CNTN5: variants seen among roughly 807,000 people sequenced by gnomAD.
CNTN5 encodes contactin 5, also known as contactin-5.
CNTN5 carries 77 observed loss-of-function variants against 129.1 expected under a neutral mutation model. The observed-to-expected ratio is 0.60, with a 90% CI of 0.50 to 0.72. The LOEUF (loss-of-function observed/expected upper bound fraction) is 0.72. Among genes scored for constraint, CNTN5 ranks in the 30% least tolerant of loss-of-function variants. The pLI is 0.00. For missense variants in CNTN5, 1,478 were observed against 1,328.8 expected (o/e 1.11, Z -1.75); for synonymous variants, 509 against 465.6 (o/e 1.09, Z -1.20).
At chr11:99,907,033 G>C (rs986896966) in intron 6 of CNTN5, among the ~76,000 whole-genome samples, 1 of 151,510 alleles carries the variant, frequency 6.6e-6, no homozygotes, top group East Asian at 1.9e-4. Flanking sequence ...TTATTAATCT[G>C]GCTAGTGGTC....
intron 1 of CNTN5, among the ~76,000 whole-genome samples, chr11:99,278,223 T>C (rs1157835271): frequency 6.6e-6 from 1 of 151,682 alleles, no homozygotes; most frequent in African/African-American, 2.4e-5. Context: ...ATATTTATTA[T>C]GTGCTTACTA....
chr11:99,403,379 A>AT (rs966766499), intron 2 of CNTN5, among the ~76,000 whole-genome samples: 8 of 151,370 alleles, frequency 5.3e-5, no homozygotes, highest in African/African-American at 1.9e-4. Flanking sequence ...TCATTTTATC[A>AT]TTTTTTTTCT....
chr11:99,092,054 A>G (rs1565310696), intron 1 of CNTN5, among the ~76,000 whole-genome samples: 3 of 152,116 alleles, frequency 2.0e-5, no homozygotes, highest in Non-Finnish European at 2.9e-5. Context: ...TTTCTTCCCC[A>G]ATTTTGCAAA....
intron 1 of CNTN5, among the ~76,000 whole-genome samples, chr11:99,100,089 T>G (rs578139754): frequency 6.6e-6 from 1 of 152,068 alleles, no homozygotes; most frequent in Admixed American, 6.6e-5. Flanking sequence ...GGGAAAAAAA[T>G]TTTATAAAGT....
At chr11:100,328,906 C>G (rs900141046) in intron 21 of CNTN5, among the ~76,000 whole-genome samples, 1 of 152,136 alleles carries the variant, frequency 6.6e-6, no homozygotes, top group Non-Finnish European at 1.5e-5. Context: ...AGGAACATAC[C>G]AGGAAAGCCA....
intron 3 of CNTN5, among the ~76,000 whole-genome samples, chr11:99,646,084 C>T (rs665801): frequency 0.6 from 91,417 of 151,996 alleles, 28,327 homozygotes; most frequent in Admixed American, 0.69. Context: ...TGGAGTCCAT[C>T]TCTCAGCATT....
chr11:99,443,989 G>T (rs1943948349), intron 2 of CNTN5, among the ~76,000 whole-genome samples: 1 of 152,076 alleles, frequency 6.6e-6, no homozygotes, highest in African/African-American at 2.4e-5. Flanking sequence ...TCTGAGGTCA[G>T]GACTTCGAGA....
rs140783856 is a variant in CNTN5 at position 99,417,188 on chromosome 11, T to C, written c.-71+91704T>C. Reference sequence around the variant, plus strand: ...GTCAAATAGCAGCGTGAATACATTTTATATCTTTCTATTATTTTTCAATAA... The same window carrying C: ...GTCAAATAGCAGCGTGAATACATTTCATATCTTTCTATTATTTTTCAATAA... On this transcript the variant is annotated intron_variant, in intron 2 of 24. Coordinates refer to ENST00000524871, the MANE Select transcript of CNTN5 (RefSeq NM_014361.4). Among the ~76,000 whole-genome samples the C allele has an allele frequency of 9.8e-3, 1,499 of 152,300 alleles. 13 individuals carry two copies. Among genetic ancestry groups the C allele is most frequent in the Middle Eastern group, 0.017 (5 of 294 alleles).
intron 17 of CNTN5, among the ~76,000 whole-genome samples, chr11:100,261,333 G>A (rs541214018): frequency 1.7e-3 from 263 of 152,186 alleles, no homozygotes; most frequent in Non-Finnish European, 3.1e-3. Flanking sequence ...CCATGCTCTT[G>A]GATAGGAAGA....
At chr11:99,793,661 T>C (rs1387833186) in intron 3 of CNTN5, among the ~76,000 whole-genome samples, 1 of 152,220 alleles carries the variant, frequency 6.6e-6, no homozygotes, top group East Asian at 1.9e-4. Context: ...TTGATTTCTG[T>C]CTTAATTTCA....
chr11:99,589,172 A>G (rs918057888), intron 3 of CNTN5, among the ~76,000 whole-genome samples: 25 of 152,196 alleles, frequency 1.6e-4, no homozygotes, highest in African/African-American at 5.8e-4. Context: ...CTTTAAAATC[A>G]ATATCTTCTT....
chr11:99,583,547 G>T (rs562305179), intron 3 of CNTN5, among the ~76,000 whole-genome samples: 1 of 152,146 alleles, frequency 6.6e-6, no homozygotes, highest in Non-Finnish European at 1.5e-5. Context: ...CCCCAGCCTC[G>T]CTGCCTCCTT....
chr11:99,613,976 T>C (rs947864779), intron 3 of CNTN5, among the ~76,000 whole-genome samples: 8 of 152,208 alleles, frequency 5.3e-5, no homozygotes, highest in Non-Finnish European at 1.0e-4. Flanking sequence ...TCTGCATTGT[T>C]ATAACTATAG....
intron 3 of CNTN5, among the ~76,000 whole-genome samples, chr11:99,749,758 TCTTA>T (rs1944170491): frequency 6.6e-6 from 1 of 152,230 alleles, no homozygotes; most frequent in East Asian, 1.9e-4. Flanking sequence ...CTAGCACAAC[TCTTA>T]AAGCAAGTCT....
intron 3 of CNTN5, among the ~76,000 whole-genome samples, chr11:99,754,555 T>C (rs556533652): frequency 2.0e-5 from 3 of 152,320 alleles, no homozygotes; most frequent in Non-Finnish European, 4.4e-5. Context: ...GAAGTTGTGG[T>C]ATAAGTTATA....
intron 1 of CNTN5, among the ~76,000 whole-genome samples, chr11:99,204,486 C>T (rs1419510760): frequency 1.3e-5 from 2 of 152,116 alleles, no homozygotes; most frequent in African/African-American, 4.8e-5. Context: ...CTCCCTATTG[C>T]AGAATTATTA....
intron 1 of CNTN5, among the ~76,000 whole-genome samples, chr11:99,247,507 A>T (rs1034748053): frequency 1.3e-5 from 2 of 151,962 alleles, no homozygotes; most frequent in Admixed American, 6.6e-5. Context: ...CATGTGCACA[A>T]CGTGCAGGTT....
intron 2 of CNTN5, among the ~76,000 whole-genome samples, chr11:99,529,816 G>T (rs1947626848): frequency 6.6e-6 from 1 of 152,106 alleles, no homozygotes; most frequent in Admixed American, 6.6e-5. Context: ...GGAAAACACT[G>T]TAATTAACAT....
intron 2 of CNTN5, among the ~76,000 whole-genome samples, chr11:99,474,385 T>C (rs375677704): frequency 1.2e-4 from 18 of 152,206 alleles, no homozygotes; most frequent in East Asian, 7.7e-4. Flanking sequence ...CTCTTTCATA[T>C]AGAATTTGTT....
Sources: gnomAD v4.1 joint callset for allele counts (sites outside exome capture counted in the v4.1 genomes callset) on GRCh38, gnomAD v4.1.1 for gene constraint, MANE v1.5 for transcripts, NCBI Gene and HGNC (gene_info 2026-07-23, HGNC 2026-07-21) for gene names.